Variants in FNIP2 observed in about 807,000 individuals in gnomAD.
FNIP2 encodes folliculin interacting protein 2, also known as folliculin-interacting protein 2.
Under a neutral mutation model 108.7 loss-of-function variants are expected in FNIP2, and 32 were observed. The ratio of observed to expected loss-of-function variants is 0.29; its 90% CI spans 0.22 to 0.40. FNIP2 has a LOEUF of 0.40. Among genes scored for constraint, FNIP2 ranks in the 10% least tolerant of loss-of-function variants. FNIP2 has a pLI of 1.00. For synonymous variants in FNIP2, 480 were observed against 496.7 expected (o/e 0.97, Z 0.45); for missense variants, 1,202 against 1,381.6 (o/e 0.87, Z 2.06).
chr4:158,790,613 G>A (rs779845455), intron 1 of FNIP2, among the ~76,000 whole-genome samples: 1 of 152,102 alleles, frequency 6.6e-6, no homozygotes, highest in Non-Finnish European at 1.5e-5. Flanking sequence ...TGGGCATGGT[G>A]ATGCATGCCT....
Position 158,895,856 on chromosome 4 carries a change from T to A in FNIP2, c.3257T>A (p.Val1086Asp), listed in dbSNP as rs749576660. 1 of 1,611,472 alleles carries A rather than the reference T, an allele frequency of 6.2e-7. No individual in the cohort carries two copies. The highest frequency in any genetic ancestry group is 1.1e-5 in the South Asian group (1 of 90,706). ...CGAGTCCATGTGAAAGAATTAGGTG[T>A]CGTACTGGGGTGAGTTCTGTGAAGT... ...HTRVHVKELG[V>D]VLGIESNDLP... The change falls in exon 16 of 17, where the codon GTC (valine) becomes GAC (aspartate). Residue 1086 changes from valine (V) to aspartate (D), a missense_variant. Val to Asp is a radical substitution (Grantham distance 152, BLOSUM62 -3). Around this residue, in one of 5 missense-constraint regions of FNIP2, gnomAD observed 142 missense variants for 183.8 expected, o/e 0.77. Coordinates refer to ENST00000264433, the MANE Select transcript of FNIP2 (RefSeq NM_020840.3).
At chr4:158,856,271 C>T (rs1421656463) in intron 8 of FNIP2, among the ~76,000 whole-genome samples, 2 of 152,152 alleles carry the variant, frequency 1.3e-5, no homozygotes, top group Non-Finnish European at 2.9e-5. Context: ...ACATTAATTT[C>T]ATATAGTCCA....
At chr4:158,862,870 G>C (rs1056705502) in intron 12 of FNIP2, among the ~76,000 whole-genome samples, 21 of 152,118 alleles carry the variant, frequency 1.4e-4, no homozygotes, top group African/African-American at 5.1e-4. Flanking sequence ...AGGAAACATT[G>C]TATTCCATGC....
At chr4:158,798,872 C>T (rs959443216) in intron 1 of FNIP2, among the ~76,000 whole-genome samples, 1 of 152,174 alleles carries the variant, frequency 6.6e-6, no homozygotes, top group South Asian at 2.1e-4. Flanking sequence ...ATGCCATTTA[C>T]AGTAGCCTGA....
In FNIP2 at chr4:158,868,510, G is replaced by A; in HGVS notation, c.1874G>A (p.Gly625Asp). 1 of 1,613,996 alleles carries A rather than the reference G, an allele frequency of 6.2e-7. No homozygotes were observed. Reference protein sequence around the residue: ...DKEANRRPEQGSEACSAGCLG... With the variant: ...DKEANRRPEQDSEACSAGCLG... ...GAAGCTAACAGGAGGCCAGAGCAGG[G>A]TTCTGAGGCTTGCAGCGCAGGGTGC... The change falls in exon 13 of 17, where the codon GGT becomes GAT. Residue 625 changes from glycine (G) to aspartate (D), a missense_variant. Around this residue, in one of 5 missense-constraint regions of FNIP2, gnomAD observed 878 missense variants for 990.3 expected, o/e 0.89. Coordinates refer to ENST00000264433, the MANE Select transcript of FNIP2 (RefSeq NM_020840.3). This position sits in a 1 kb window ranked among gnomAD's most constrained non-coding sequence, Gnocchi z 4.6.
rs1044925805 is a variant in FNIP2, at chr4:158,829,095, C to A, written c.251C>A (p.Pro84His). Residue 84 changes from proline (P) to histidine (H), a missense_variant, in exon 3 of 17, where the codon CCT (proline) becomes CAT (histidine). By Grantham distance (77) the Pro-to-His change is moderately conservative. Coordinates refer to ENST00000264433, the MANE Select transcript of FNIP2 (RefSeq NM_020840.3). ...EVTAQKTEDV[P>H]IKISAKCCQG... ...TTAACCTAGAAAACAGAGGATGTTC[C>A]TATTAAAATATCAGCCAAGTGCTGC... The A allele has an allele frequency of 1.9e-6, 3 of 1,609,708 alleles. No homozygotes were observed. The highest frequency in any genetic ancestry group is 2.5e-6 in the Non-Finnish European group (3 of 1,178,052).
intron 1 of FNIP2, among the ~76,000 whole-genome samples, chr4:158,773,724 A>G (rs7675609): frequency 1 from 152,211 of 152,278 alleles, 76,072 homozygotes; most frequent in Middle Eastern, 1. Flanking sequence ...TTTCACTTGC[A>G]TATTAGTTTT....
Position 158,891,635 on chromosome 4 carries a change from C to T in FNIP2, c.3139C>T (p.Pro1047Ser), listed in dbSNP as rs767591160. Residue 1047 changes from proline (P) to serine (S), a missense_variant, in exon 15 of 17, where the codon CCT becomes TCT. Physicochemically the swap from Pro to Ser is moderately conservative, Grantham distance 74 (BLOSUM62 -1). Coordinates refer to ENST00000264433, the MANE Select transcript of FNIP2 (RefSeq NM_020840.3). ...TTTACAGCTCTATAAGCTTCACCTC[C>T]CTGCTGATTTTGTAAGTACTGGTTC... Reference protein sequence around the residue: ...SILQLYKLHLPADFCIMHLED... With the variant: ...SILQLYKLHLSADFCIMHLED... 1.6e-5 allele frequency: 26 copies of T among 1,611,378 alleles called. No homozygotes were observed. In the Middle Eastern group the frequency reaches 5.1e-4, roughly 32 times the overall value.
At chr4:158,800,810 CATA>C (rs2126475741) in intron 1 of FNIP2, among the ~76,000 whole-genome samples, 1 of 151,936 alleles carries the variant, frequency 6.6e-6, no homozygotes, top group South Asian at 2.1e-4. Flanking sequence ...TTTTATTTAA[CATA>C]AGAATTTTCT....
chr4:158,849,373 A>C (rs1420831696), intron 7 of FNIP2, among the ~76,000 whole-genome samples: 1 of 152,112 alleles, frequency 6.6e-6, no homozygotes, highest in African/African-American at 2.4e-5. Context: ...CTTTGGTTCA[A>C]AGTGCTCAGG....
chr4:158,800,493 GATTCTCT>G (rs1404742728), intron 1 of FNIP2, among the ~76,000 whole-genome samples: 14 of 152,208 alleles, frequency 9.2e-5, no homozygotes, highest in Non-Finnish European at 1.9e-4. Context: ...TGCCTCTGAT[GATTCTCT>G]TAAAATAAAG....
chr4:158,879,055 TGTG>T (rs1781441053), intron 14 of FNIP2, among the ~76,000 whole-genome samples: 1 of 150,052 alleles, frequency 6.7e-6, no homozygotes, highest in Non-Finnish European at 1.5e-5. Flanking sequence ...AAGTAAAAGA[TGTG>T]GTGGCCAGAG....
intron 8 of FNIP2, among the ~76,000 whole-genome samples, chr4:158,858,128 T>A (rs1021143113): frequency 1.3e-5 from 2 of 152,070 alleles, no homozygotes; most frequent in Admixed American, 1.3e-4. Flanking sequence ...GCATGAGTAA[T>A]TGTTATGTTG....
intron 7 of FNIP2, among the ~76,000 whole-genome samples, chr4:158,845,515 C>T (rs1779353440): frequency 6.6e-6 from 1 of 152,240 alleles, no homozygotes. Flanking sequence ...CCTCCTGCCT[C>T]AGGCCACCAA....
At chr4:158,825,041 A>C (rs774229474) in intron 1 of FNIP2, among the ~76,000 whole-genome samples, 7 of 152,190 alleles carry the variant, frequency 4.6e-5, no homozygotes, top group Non-Finnish European at 1.0e-4. Flanking sequence ...TTCCCCACTG[A>C]ATCATGAACT....
intron 1 of FNIP2, among the ~76,000 whole-genome samples, chr4:158,819,743 A>G (rs757163711): frequency 1.2e-4 from 19 of 152,248 alleles, no homozygotes; most frequent in Non-Finnish European, 2.6e-4. Context: ...GTGAACTCTC[A>G]TTGCTATGTC....
At position 158,826,033 on chromosome 4, in the gene FNIP2, G is replaced by T; in HGVS notation, c.225G>T (p.Val75=). The change falls in exon 2 of 17, where the codon GTG becomes GTT. Residue 75 remains valine, a synonymous_variant. Coordinates refer to ENST00000264433, the MANE Select transcript of FNIP2 (RefSeq NM_020840.3). ...AAGCTGTTCAAAAGATTGAGGAGGTGACAGCTCAGGTATGAAATGCTGATT... is the reference window on the plus strand; with the variant it reads ...AAGCTGTTCAAAAGATTGAGGAGGTTACAGCTCAGGTATGAAATGCTGATT... ...DSKAVQKIEE[V]TAQKTEDVPI... The T allele has an allele frequency of 6.2e-7, 1 of 1,606,440 alleles. No homozygotes were observed. The highest frequency in any genetic ancestry group is 1.1e-5 in the South Asian group (1 of 90,804).
intron 14 of FNIP2, chr4:158,872,725 T>C: frequency 1.0e-6 from 1 of 983,836 alleles, no homozygotes; most frequent in Non-Finnish European, 1.2e-6. Flanking sequence ...CGCTCTGGTC[T>C]ATGGTAGTGT....
intron 16 of FNIP2, among the ~76,000 whole-genome samples, chr4:158,899,405 T>G (rs965873418): frequency 6.6e-6 from 1 of 152,214 alleles, no homozygotes; most frequent in African/African-American, 2.4e-5. Context: ...TTTCTATTGT[T>G]TGGAATAGTT....
Sources: allele counts gnomAD v4.1 joint callset (sites outside exome capture counted in the v4.1 genomes callset), GRCh38; gene constraint gnomAD v4.1.1; regional missense constraint gnomAD v4.1.1; non-coding constraint Gnocchi (gnomAD v3.1); transcripts MANE v1.5; gene names NCBI Gene and HGNC (gene_info 2026-07-23, HGNC 2026-07-21).